Variants in MDN1 observed in about 807,000 individuals in gnomAD.
The protein encoded by MDN1 is midasin.
MDN1 carries 266 observed loss-of-function variants against 669.2 expected under a neutral mutation model. The observed-to-expected ratio is 0.40, with a 90% CI of 0.36 to 0.44. The LOEUF is 0.44. Ranked by LOEUF, MDN1 falls within the 20% of genes least tolerant of loss-of-function variation. The pLI, the probability that MDN1 is intolerant of heterozygous loss-of-function variation, is 1.00. For synonymous variants in MDN1, 2,385 were observed against 2,457.1 expected, an observed-to-expected ratio of 0.97 and a Z score of 0.87; for missense variants, 5,940 against 6,754.0, an observed-to-expected ratio of 0.88 and a Z score of 4.22.
Position 89,712,459 on chromosome 6 carries a change from G to A in MDN1, c.7430+116C>T. 8.2e-6 allele frequency: 9 copies of A among 1,102,768 alleles called. No individual in the cohort carries two copies. The South Asian group carries it at 1.3e-4, about 16-fold the overall frequency. The allele number at this position is 1,102,768 out of a possible 1,614,324, so 68.3% of individuals were successfully genotyped here. A position where few individuals can be genotyped will look rare whatever the true frequency, so the allele number is the denominator to read the frequency against. On this transcript the variant is annotated intron_variant, in intron 48 of 101. Coordinates refer to ENST00000369393, the MANE Select transcript of MDN1 (RefSeq NM_014611.3). ...CACAATGAACAATAAAACTATGACAGCTACACAATAAATGGCCACAGAATG... is the reference window on the plus strand; with the variant it reads ...CACAATGAACAATAAAACTATGACAACTACACAATAAATGGCCACAGAATG...
intron 28 of MDN1, 40 bp from the exon 29 acceptor site, chr6:89,745,451 C>A (rs1311500671): frequency 1.2e-6 from 2 of 1,613,598 alleles, no homozygotes; most frequent in African/African-American, 2.7e-5. Flanking sequence ...CTAATGAGTA[C>A]AACTCAAATC....
At chr6:89,763,149 C>T (rs947816191) in intron 15 of MDN1, among the ~76,000 whole-genome samples, 1 of 151,802 alleles carries the variant, frequency 6.6e-6, no homozygotes, top group Non-Finnish European at 1.5e-5. Context: ...ATGTATAGGG[C>T]ATAATAAAAA....
chr6:89,734,507 G>T (rs1815796468), intron 33 of MDN1, among the ~76,000 whole-genome samples: 1 of 151,758 alleles, frequency 6.6e-6, no homozygotes, highest in Non-Finnish European at 1.5e-5. Context: ...ACAAAAATTA[G>T]CTGGCCATGG....
chr6:89,680,210 A>C (rs966688694), intron 74 of MDN1, among the ~76,000 whole-genome samples: 2 of 152,220 alleles, frequency 1.3e-5, no homozygotes, highest in African/African-American at 4.8e-5. Context: ...GAAGTGAAGA[A>C]AGCAAGAGGA....
At position 89,756,390 on chromosome 6, in the gene MDN1, C is replaced by A. The variant is rs1817246440; in HGVS notation, c.2703G>T (p.Arg901Ser). ...KRNLPPGIRNRFTELYVEELE... is the reference protein window; with the variant it reads ...KRNLPPGIRNSFTELYVEELE... ...ATTCTTCTACATAAAGTTCTGTGAA[C>A]CTGTAAAACAATACATAATAAACAC... Residue 901 changes from arginine (R) to serine (S), a missense_variant and splice_region_variant, in exon 20 of 102, where the codon AGG becomes AGT. Arg to Ser is a moderately radical substitution (Grantham distance 110). Coordinates refer to ENST00000369393, the MANE Select transcript of MDN1 (RefSeq NM_014611.3). 6.9e-7 allele frequency: 1 copy of A among 1,450,668 alleles called. No homozygotes were observed. Among genetic ancestry groups the A allele is most frequent in the Non-Finnish European group, 9.5e-7 (1 of 1,049,042 alleles). 89.9% of individuals were successfully genotyped at this position (1,450,668 alleles called of 1,614,324 possible). A position where few individuals can be genotyped will look rare whatever the true frequency, so the allele number is the denominator to read the frequency against.
intron 15 of MDN1, among the ~76,000 whole-genome samples, chr6:89,765,235 A>T (rs961731117): frequency 1.4e-5 from 2 of 141,938 alleles, no homozygotes; most frequent in African/African-American, 5.4e-5. Context: ...CCAGCCTGGG[A>T]GACAGAGTGA....
chr6:89,736,585 G>T (rs1278836921), intron 33 of MDN1, among the ~76,000 whole-genome samples: 1 of 151,678 alleles, frequency 6.6e-6, no homozygotes, highest in Non-Finnish European at 1.5e-5. Context: ...GAGCCCAGGA[G>T]TTCCAGACTA....
intron 53 of MDN1, 93 bp from the exon 54 acceptor site, chr6:89,702,154 A>G: frequency 8.0e-7 from 1 of 1,242,824 alleles, no homozygotes; most frequent in Non-Finnish European, 1.1e-6. Flanking sequence ...GCTCACCAAC[A>G]TCTCCCGGGA....
intron 74 of MDN1, among the ~76,000 whole-genome samples, chr6:89,679,811 TCAGA>T (rs1811471985): frequency 6.6e-6 from 1 of 152,182 alleles, no homozygotes; most frequent in East Asian, 1.9e-4. Context: ...ACCAAAGACA[TCAGA>T]CAGTGTGGGA....
intron 57 of MDN1, 139 bp from the exon 58 acceptor site, chr6:89,699,866 C>A: frequency 8.6e-7 from 1 of 1,163,854 alleles, no homozygotes; most frequent in East Asian, 2.4e-5. Context: ...ATAAAATTCT[C>A]GGTGACTTTT....
intron 17 of MDN1, among the ~76,000 whole-genome samples, chr6:89,760,500 C>G (rs1323484731): frequency 6.6e-6 from 1 of 151,958 alleles, no homozygotes; most frequent in African/African-American, 2.4e-5. Flanking sequence ...AATCTGAAAA[C>G]AATATGTCGA....
intron 4 of MDN1, 51 bp downstream of exon 4, chr6:89,794,049 A>C (rs774115856): frequency 1.5e-6 from 2 of 1,352,574 alleles, no homozygotes; most frequent in Non-Finnish European, 2.0e-6. Context: ...CCAGAAAAGA[A>C]AAAAAAAAAA....
intron 50 of MDN1, among the ~76,000 whole-genome samples, chr6:89,709,268 C>G (rs1000984808): frequency 6.6e-6 from 1 of 152,142 alleles, no homozygotes; most frequent in Non-Finnish European, 1.5e-5. Context: ...TTCAGTGGAG[C>G]ACTTTAAGTT....
In MDN1 at chr6:89,692,697, C is replaced by T. The variant is rs1584202848; in HGVS notation, c.10333G>A (p.Val3445Met). 1 of 1,614,212 alleles carries T rather than the reference C, an allele frequency of 6.2e-7. No homozygotes were observed. Among genetic ancestry groups the T allele is most frequent in the Non-Finnish European group, 8.5e-7 (1 of 1,180,032 alleles). ...LATALLAFPS[V>M]GPTFPTYYAH... is the part of the protein sequence containing the mutation. ...TAGTAAGTCGGGAAGGTGGGGCCCA[C>T]CGATGGGAAAGCCAGCAAGGCTGTG... Residue 3445 changes from valine to methionine, a missense_variant, in exon 63 of 102, where the codon GTG becomes ATG. Around this residue, in one of 5 missense-constraint regions of MDN1, gnomAD observed 150 missense variants for 234.2 expected, o/e 0.64. Coordinates refer to ENST00000369393, the MANE Select transcript of MDN1 (RefSeq NM_014611.3).
chr6:89,683,287 C>T lies in MDN1; in HGVS notation c.11947G>A (p.Glu3983Lys), dbSNP rs776128644. ...FMKKFEAVLS[E>K]PCRSSLVESD... ...TCCACCAGGGATGACCGGCAGGGTT[C>T]ACTCAGGACTGCTTCAAATTTCTTC... Residue 3983 changes from glutamate (E) to lysine (K), a missense_variant, in exon 73 of 102, where the codon GAA (glutamate) becomes AAA (lysine). This residue lies in a region of MDN1 where 2,280 missense variants were observed against 2,576.3 expected (regional missense o/e 0.88). Transcript: ENST00000369393. 1.2e-6 allele frequency: 2 copies of T among 1,614,174 alleles called. No individual in the cohort carries two copies. The highest frequency in any genetic ancestry group is 1.7e-6 in the Non-Finnish European group (2 of 1,180,034).
chr6:89,735,032 A>T (rs1815866777), intron 33 of MDN1, among the ~76,000 whole-genome samples: 3 of 151,922 alleles, frequency 2.0e-5, no homozygotes, highest in Admixed American at 2.0e-4. Flanking sequence ...CTGGGACTAC[A>T]GGCGCCTGCC....
intron 1 of MDN1, among the ~76,000 whole-genome samples, chr6:89,816,683 T>G (rs895288337): frequency 2.0e-5 from 3 of 147,814 alleles, no homozygotes; most frequent in Admixed American, 2.0e-4. Flanking sequence ...CTTTTTTTTT[T>G]TTTTTTTTTG....
chr6:89,789,489 C>T (rs946390291), intron 7 of MDN1, among the ~76,000 whole-genome samples: 1 of 152,056 alleles, frequency 6.6e-6, no homozygotes, highest in African/African-American at 2.4e-5. Context: ...AAATGTTGAT[C>T]TCATATTCAA....
Position 89,740,295 on chromosome 6 carries a change from G to A in MDN1, c.4532C>T (p.Ala1511Val). ...DKDSEIELLT[A>V]GKKFRILATM... ...TGCTAGAATACGAAATTTTTTCCCAGCAGTCAACAGCTCTATTTCACTATC... is the reference window on the plus strand; with the variant it reads ...TGCTAGAATACGAAATTTTTTCCCAACAGTCAACAGCTCTATTTCACTATC... Residue 1511 changes from alanine to valine, a missense_variant, in exon 32 of 102, where the codon GCT becomes GTT. Physicochemically the swap from Ala to Val is moderately conservative, Grantham distance 64. Coordinates refer to ENST00000369393, the MANE Select transcript of MDN1 (RefSeq NM_014611.3). The A allele has an allele frequency of 6.2e-6, 10 of 1,611,436 alleles. No homozygotes were observed. Among genetic ancestry groups the A allele is most frequent in the Non-Finnish European group, 8.5e-6 (10 of 1,179,280 alleles).
Sources: allele counts gnomAD v4.1 joint callset (sites outside exome capture counted in the v4.1 genomes callset), GRCh38; gene constraint gnomAD v4.1.1; regional missense constraint gnomAD v4.1.1; transcripts MANE v1.5; gene names NCBI Gene and HGNC (gene_info 2026-07-23, HGNC 2026-07-21).